Variants in RGS12 observed in about 807,000 individuals in gnomAD.
RGS12 encodes the protein regulator of G protein signaling 12, also known as regulator of G-protein signaling 12.
A neutral mutation model predicts 120.1 loss-of-function variants in RGS12; 66 were observed. The ratio of observed to expected loss-of-function variants is 0.55; its 90% CI spans 0.45 to 0.67. The LOEUF is 0.67. Among genes scored for constraint, RGS12 ranks in the 30% least tolerant of loss-of-function variants. The probability of loss-of-function intolerance (pLI) is 0.00; values close to 1 mark genes in which losing one functional copy is unlikely to be tolerated. For missense variants in RGS12, 1,859 were observed against 1,957.7 expected, an observed-to-expected ratio of 0.95 and a Z score of 0.95; for synonymous variants, 827 against 804.7, an observed-to-expected ratio of 1.03 and a Z score of -0.47.
In RGS12 at chr4:3,392,607, A is replaced by G. The variant is rs114417064; in HGVS notation, c.2020+6170A>G. ...GGGAATTCCTGCCGATCAGCCTGTC[A>G]TCTCAGAGACTGTGTTTTCATCTTT... On this transcript the variant is annotated intron_variant, in intron 4 of 17. Coordinates refer to ENST00000336727, the MANE Select transcript of RGS12 (RefSeq NM_001394154.1). Among the ~76,000 whole-genome samples the G allele has an allele frequency of 7.5e-3, 1,148 of 152,278 alleles. 18 individuals carry two copies. Among genetic ancestry groups the G allele is most frequent in the African/African-American group, 0.027 (1,103 of 41,534 alleles).
chr4:3,372,290 C>T lies in RGS12; in HGVS notation c.1999-14126C>T. Among the ~76,000 whole-genome samples the T allele has an allele frequency of 6.6e-6, 1 of 152,112 alleles. No individual in the cohort carries two copies. The highest frequency in any genetic ancestry group is 1.5e-5 in the Non-Finnish European group (1 of 68,014). On this transcript the variant is annotated intron_variant, in intron 3 of 17. Coordinates refer to ENST00000336727, the MANE Select transcript of RGS12 (RefSeq NM_001394154.1). This position sits in a 1 kb window ranked among gnomAD's most constrained non-coding sequence, Gnocchi z 4.3. ...GCAGCCCTGGGCAGCCCAGCTTGAG[C>T]CTCCCTGGCAGGCAGCGGCCGTTCA...
intron 17 of RGS12, among the ~76,000 whole-genome samples, chr4:3,432,683 G>A (rs1003740969): frequency 1.3e-5 from 2 of 152,230 alleles, no homozygotes; most frequent in Non-Finnish European, 2.9e-5. Flanking sequence ...CCGGCCTTGG[G>A]AGGAGCAGGT....
At chr4:3,292,479 C>T (rs1470546519), upstream of RGS12, among the ~76,000 whole-genome samples, 1 of 152,192 alleles carries the variant, frequency 6.6e-6, no homozygotes, top group Non-Finnish European at 1.5e-5. Flanking sequence ...AAGCTGCCGC[C>T]AGCTCCGGGC....
At chr4:3,355,754 C>T (rs1457084851) in intron 3 of RGS12, among the ~76,000 whole-genome samples, 9 of 138,992 alleles carry the variant, frequency 6.5e-5, no homozygotes, top group Non-Finnish European at 1.2e-4. Flanking sequence ...GCGTTTGTGC[C>T]GCTGCATTCT....
chr4:3,318,858 G>C (rs1271898430), intron 2 of RGS12, among the ~76,000 whole-genome samples: 1 of 152,228 alleles, frequency 6.6e-6, no homozygotes, highest in African/African-American at 2.4e-5. Context: ...GTGTGGGGCT[G>C]TGCTGTGTTT....
Position 3,429,040 on chromosome 4 carries a change from C to T in RGS12, c.3565+329C>T, listed in dbSNP as rs1723969243. Among the ~76,000 whole-genome samples, 2 of 152,254 alleles carry T rather than the reference C, an allele frequency of 1.3e-5. 1 individual carries two copies. Among genetic ancestry groups the T allele is most frequent in the African/African-American group, 4.8e-5 (2 of 41,468 alleles). ...CTATGGCCCCACCACTGGCTTGTGC[C>T]AGGGTCCCCAGCGTGACTGGAGGCA... On this transcript the variant is annotated intron_variant, in intron 16 of 17. Transcript: ENST00000336727.
intron 1 of RGS12, among the ~76,000 whole-genome samples, chr4:3,294,664 T>C (rs562555232): frequency 2.0e-5 from 3 of 151,984 alleles, no homozygotes; most frequent in Non-Finnish European, 4.4e-5. Flanking sequence ...CTGCACAAGT[T>C]GGTGCACCCC....
intron 17 of RGS12, chr4:3,431,934 T>G: frequency 1.0e-6 from 1 of 985,478 alleles, no homozygotes. Context: ...TCTGTAGATC[T>G]GTACATATCT....
chr4:3,421,078 G>A (rs1340272976), intron 10 of RGS12, among the ~76,000 whole-genome samples: 1 of 152,160 alleles, frequency 6.6e-6, no homozygotes, highest in South Asian at 2.1e-4. Flanking sequence ...GAAATCAGGC[G>A]CTCCCTGTCT....
chr4:3,392,598 C>G (rs982496550), intron 4 of RGS12, among the ~76,000 whole-genome samples: 9 of 152,230 alleles, frequency 5.9e-5, no homozygotes, highest in Admixed American at 4.6e-4. Flanking sequence ...TCCTGCCGAT[C>G]AGCCTGTCAT....
chr4:3,397,526 G>A (rs977088479), intron 4 of RGS12, among the ~76,000 whole-genome samples: 1 of 152,220 alleles, frequency 6.6e-6, no homozygotes, highest in Non-Finnish European at 1.5e-5. Flanking sequence ...GTGGAACGAC[G>A]TGAGAGGGGT....
chr4:3,321,497 C>T (rs956329675), intron 2 of RGS12, among the ~76,000 whole-genome samples: 22 of 152,192 alleles, frequency 1.4e-4, no homozygotes, highest in African/African-American at 5.1e-4. Context: ...AAGCTGGGCA[C>T]GGCAGGGTGG....
intron 1 of RGS12, among the ~76,000 whole-genome samples, chr4:3,308,784 G>A (rs908620764): frequency 1.6e-4 from 25 of 152,262 alleles, no homozygotes; most frequent in African/African-American, 5.5e-4. Context: ...TCTGGGAAGC[G>A]GCTGGCGCCG....
intron 1 of RGS12, among the ~76,000 whole-genome samples, chr4:3,295,568 A>C (rs1252091735): frequency 2.6e-5 from 4 of 151,748 alleles, no homozygotes; most frequent in African/African-American, 9.7e-5. Context: ...GCTGAGACAC[A>C]AGATTCGCTT....
chr4:3,430,872 G>A lies in RGS12; in HGVS notation c.4031G>A (p.Gly1344Glu). The change falls in exon 17 of 18, where the codon GGG becomes GAG. Residue 1344 changes from glycine to glutamate, a missense_variant. Physicochemically the swap from Gly to Glu is moderately conservative, Grantham distance 98. Coordinates refer to ENST00000336727, the MANE Select transcript of RGS12 (RefSeq NM_001394154.1). ...DEHVAELTLM[G>E]EGDISSPNST... ...CACGTGGCCGAGCTGACCCTGATGG[G>A]GGAGGGGGACATCAGCAGCCCCAAC... 6 of 1,612,386 alleles carry A rather than the reference G, an allele frequency of 3.7e-6. No homozygotes were observed. Among genetic ancestry groups the A allele is most frequent in the Non-Finnish European group, 4.2e-6 (5 of 1,179,806 alleles).
intron 4 of RGS12, among the ~76,000 whole-genome samples, chr4:3,410,365 A>C (rs1216228573): frequency 6.6e-6 from 1 of 152,212 alleles, no homozygotes; most frequent in African/African-American, 2.4e-5. Flanking sequence ...TCCAGCCTGC[A>C]TGATCTTATT....
intron 2 of RGS12, among the ~76,000 whole-genome samples, chr4:3,339,318 C>T (rs1712807640): frequency 1.3e-5 from 2 of 152,110 alleles, no homozygotes; most frequent in Admixed American, 1.3e-4. Flanking sequence ...CCAGTCTCTA[C>T]AAAAAATACA....
intron 3 of RGS12, among the ~76,000 whole-genome samples, chr4:3,379,876 G>T (rs1248946456): frequency 6.6e-6 from 1 of 152,142 alleles, no homozygotes; most frequent in African/African-American, 2.4e-5. Context: ...TAGCGAAACT[G>T]CATCGTTCCA....
intron 1 of RGS12, among the ~76,000 whole-genome samples, chr4:3,297,509 T>C (rs1442149769): frequency 6.6e-6 from 1 of 152,192 alleles, no homozygotes; most frequent in Non-Finnish European, 1.5e-5. Flanking sequence ...CTATGTGCCA[T>C]CATAATCACT....
Sources: allele counts gnomAD v4.1 joint callset (sites outside exome capture counted in the v4.1 genomes callset), GRCh38; gene constraint gnomAD v4.1.1; non-coding constraint Gnocchi (gnomAD v3.1); transcripts MANE v1.5; gene names NCBI Gene and HGNC (gene_info 2026-07-23, HGNC 2026-07-21).